Variants in N4BP1 observed in about 807,000 individuals in gnomAD.
The protein encoded by N4BP1 is NEDD4 binding protein 1.
Under a neutral mutation model 70.9 loss-of-function variants are expected in N4BP1, and 21 were observed. The ratio of observed to expected loss-of-function variants is 0.30; its 90% confidence interval spans 0.21 to 0.43. The LOEUF is 0.43. N4BP1 is among the 20% of genes least tolerant of loss of function. N4BP1 has a pLI of 1.00. For missense variants in N4BP1, 936 were observed against 1,069.4 expected (o/e 0.88, Z 1.74); for synonymous variants, 387 against 394.6 (o/e 0.98, Z 0.23).
At chr16:48,572,702 T>C (rs73552057) in intron 1 of N4BP1, among the ~76,000 whole-genome samples, 11 of 152,114 alleles carry the variant, frequency 7.2e-5, no homozygotes, top group African/African-American at 2.4e-4. Context: ...AACCAGTGGA[T>C]TGGAGGAGGG....
At chr16:48,547,759 T>A (rs1963609862) in intron 5 of N4BP1, among the ~76,000 whole-genome samples, 1 of 152,210 alleles carries the variant, frequency 6.6e-6, no homozygotes, top group South Asian at 2.1e-4. Flanking sequence ...CCTAGAAGAC[T>A]GCAGTGACAG....
chr16:48,570,797 T>TA (rs1220021323), intron 1 of N4BP1, among the ~76,000 whole-genome samples: 1 of 152,240 alleles, frequency 6.6e-6, no homozygotes, highest in African/African-American at 2.4e-5. Flanking sequence ...CTCTTTTTTT[T>TA]AAATTGATAT....
At chr16:48,584,235 A>G (rs1462088828) in intron 1 of N4BP1, among the ~76,000 whole-genome samples, 5 of 152,374 alleles carry the variant, frequency 3.3e-5, no homozygotes, top group Admixed American at 3.3e-4. Flanking sequence ...AGACACCTCA[A>G]GAAAATCTGG....
chr16:48,585,474 T>A (rs1327445892), intron 1 of N4BP1, among the ~76,000 whole-genome samples: 1 of 151,072 alleles, frequency 6.6e-6, no homozygotes, highest in African/African-American at 2.4e-5. Flanking sequence ...CTGTCTCTAT[T>A]TAAAAAAAAA....
chr16:48,566,536 T>G (rs1963946274), intron 1 of N4BP1, among the ~76,000 whole-genome samples: 1 of 152,250 alleles, frequency 6.6e-6, no homozygotes, highest in African/African-American at 2.4e-5. Flanking sequence ...ATCCTTCTGT[T>G]GGTGATTTTT....
At chr16:48,570,134 G>T (rs1963994906) in intron 1 of N4BP1, among the ~76,000 whole-genome samples, 1 of 149,152 alleles carries the variant, frequency 6.7e-6, no homozygotes, top group Non-Finnish European at 1.5e-5. Context: ...CTTGGGGCTG[G>T]GTTACATGAG....
At chr16:48,582,184 C>T (rs1394059279) in intron 1 of N4BP1, among the ~76,000 whole-genome samples, 1 of 152,152 alleles carries the variant, frequency 6.6e-6, no homozygotes, top group Non-Finnish European at 1.5e-5. Flanking sequence ...CCAACAGGTA[C>T]AGTAGTGAGT....
chr16:48,548,837 C>CA (rs34869645), intron 4 of N4BP1, among the ~76,000 whole-genome samples: 9,439 of 71,436 alleles, frequency 0.13, 564 homozygotes, highest in African/African-American at 0.22. Context: ...GAGACTGCTT[C>CA]AAAAAAAAAA....
chr16:48,572,091 C>T (rs922633240), intron 1 of N4BP1, among the ~76,000 whole-genome samples: 1 of 151,942 alleles, frequency 6.6e-6, no homozygotes, highest in Non-Finnish European at 1.5e-5. Context: ...TCCCAGCCAC[C>T]CGGAGACTGA....
chr16:48,569,788 C>G (rs979528383), intron 1 of N4BP1, among the ~76,000 whole-genome samples: 7 of 152,114 alleles, frequency 4.6e-5, no homozygotes, highest in African/African-American at 1.4e-4. Flanking sequence ...TTCTCAAAAG[C>G]CTTTCTTATG....
At chr16:48,553,354 C>G (rs995894154) in intron 3 of N4BP1, among the ~76,000 whole-genome samples, 185 bp downstream of exon 3, 3 of 152,236 alleles carry the variant, frequency 2.0e-5, no homozygotes, top group Non-Finnish European at 4.4e-5. Context: ...CATCCTACCT[C>G]CTAGTATTTG....
At chr16:48,587,722 T>C (rs1160921720) in intron 1 of N4BP1, among the ~76,000 whole-genome samples, 2 of 152,164 alleles carry the variant, frequency 1.3e-5, no homozygotes, top group Non-Finnish European at 2.9e-5. Flanking sequence ...TACATAAGAA[T>C]TTTATTTAAT....
chr16:48,600,211 A>C lies in N4BP1; in HGVS notation c.198+9564T>G, dbSNP rs1964474998. 3 of 732,116 alleles carry C rather than the reference A, an allele frequency of 4.1e-6. No individual in the cohort carries two copies. The South Asian group carries it at 4.2e-5, about 10-fold the overall frequency. 45.4% of individuals were successfully genotyped at this position (732,116 alleles called of 1,614,324 possible). A position where few individuals can be genotyped will look rare whatever the true frequency, so the allele number is the denominator to read the frequency against. The stretch of plus-strand genomic sequence containing the variant: ...CTGTTTGGGCCCATCTACCCTGGCC[A>C]CGGCATGATGTTCATCCGCAACGAC... On this transcript the variant is annotated intron_variant, in intron 1 of 6. Transcript: ENST00000262384.
At position 48,546,273 on chromosome 16, in the gene N4BP1, T is replaced by C. The variant is rs772445204; in HGVS notation, c.2226-19A>G. On this transcript the variant is annotated intron_variant, in intron 5 of 6. Coordinates refer to ENST00000262384, the MANE Select transcript of N4BP1 (RefSeq NM_153029.4). ...CAGCAGCCTACAACACAGAACACCA[T>C]GAGGCTGAGAGACAGGGTCCTCACT... is the stretch of plus-strand genomic sequence containing the variant. 17 of 1,559,556 alleles carry C rather than the reference T, an allele frequency of 1.1e-5. No homozygotes were observed. Among genetic ancestry groups the C allele is most frequent in the South Asian group, 2.3e-5 (2 of 85,454 alleles).
chr16:48,584,724 C>T (rs1218494015), intron 1 of N4BP1, among the ~76,000 whole-genome samples: 10 of 151,884 alleles, frequency 6.6e-5, no homozygotes, highest in Admixed American at 6.6e-4. Context: ...CAGCTAATAA[C>T]ACACTGCGAG....
chr16:48,606,655 T>A (rs967343550), intron 1 of N4BP1, among the ~76,000 whole-genome samples: 1 of 152,242 alleles, frequency 6.6e-6, no homozygotes, highest in Non-Finnish European at 1.5e-5. Flanking sequence ...TATCACTGTC[T>A]ACTAGTAGTT....
At chr16:48,563,832 A>G (rs559327445) in intron 1 of N4BP1, among the ~76,000 whole-genome samples, 1 of 152,382 alleles carries the variant, frequency 6.6e-6, no homozygotes, top group South Asian at 2.1e-4. Context: ...CTCAATACAT[A>G]TAATAATGTA....
At chr16:48,543,832 G>T (rs1281669054) in intron 6 of N4BP1, among the ~76,000 whole-genome samples, 1 of 152,190 alleles carries the variant, frequency 6.6e-6, no homozygotes, top group Non-Finnish European at 1.5e-5. Context: ...GAGGCTAGCT[G>T]AAGTTTCCCC....
chr16:48,586,869 A>ATT (rs56410518), intron 1 of N4BP1, among the ~76,000 whole-genome samples: 1 of 149,776 alleles, frequency 6.7e-6, no homozygotes, highest in Admixed American at 6.6e-5. Flanking sequence ...AACTTTTAAC[A>ATT]TTTTTTTTTT....
Sources: allele counts gnomAD v4.1 joint callset (sites outside exome capture counted in the v4.1 genomes callset), GRCh38; gene constraint gnomAD v4.1.1; transcripts MANE v1.5; gene names NCBI Gene and HGNC (gene_info 2026-07-23, HGNC 2026-07-21).